Variants in DKK2 observed in about 807,000 individuals in gnomAD.
DKK2 encodes the protein dickkopf Wnt signaling pathway inhibitor 2, also known as dickkopf-related protein 2.
DKK2 carries 11 observed loss-of-function variants against 28.1 expected under a neutral mutation model. The observed-to-expected ratio is 0.39, with a 90% CI of 0.25 to 0.65. The LOEUF is 0.65. Among genes scored for constraint, DKK2 ranks in the 30% least tolerant of loss-of-function variants. The pLI, the probability that DKK2 is intolerant of heterozygous loss-of-function variation, is 0.47. For missense variants in DKK2, 326 were observed against 335.5 expected (o/e 0.97, Z 0.22); for synonymous variants, 135 against 126.5 (o/e 1.07, Z -0.45).
chr4:106,924,524 C>T (rs1724397721), intron 3 of DKK2, 21 bp downstream of exon 3: 1 of 1,603,280 alleles, frequency 6.2e-7, no homozygotes, highest in Non-Finnish European at 8.5e-7. Flanking sequence ...AAAAAAACCC[C>T]AGAACTACAG....
chr4:106,995,608 G>GTATT (rs553180593), intron 1 of DKK2, among the ~76,000 whole-genome samples: 2,029 of 152,056 alleles, frequency 0.013, 39 homozygotes, highest in African/African-American at 0.043. Flanking sequence ...GACCTTATGT[G>GTATT]TATTTATTTA....
At chr4:106,994,097 G>C (rs552656639) in intron 1 of DKK2, among the ~76,000 whole-genome samples, 3 of 152,160 alleles carry the variant, frequency 2.0e-5, no homozygotes, top group Non-Finnish European at 4.4e-5. Flanking sequence ...AGCATTTTGT[G>C]GTTCTTATAA....
intron 1 of DKK2, among the ~76,000 whole-genome samples, chr4:106,979,781 C>T (rs917690924): frequency 3.3e-5 from 5 of 152,356 alleles, no homozygotes; most frequent in African/African-American, 9.6e-5. Context: ...CTTACTCAAA[C>T]TCGCTGCACT....
At chr4:106,978,947 T>A (rs908446213) in intron 1 of DKK2, among the ~76,000 whole-genome samples, 1 of 152,088 alleles carries the variant, frequency 6.6e-6, no homozygotes, top group Non-Finnish European at 1.5e-5. Flanking sequence ...AAAAGCATAG[T>A]GTCTGGGCCG....
chr4:107,027,204 T>G (rs1723798280), intron 1 of DKK2, among the ~76,000 whole-genome samples: 1 of 152,136 alleles, frequency 6.6e-6, no homozygotes, highest in Non-Finnish European at 1.5e-5. Context: ...TTCAAAGGGT[T>G]GAGAGGAAAT....
chr4:106,938,548 G>A (rs527786474), intron 1 of DKK2, among the ~76,000 whole-genome samples: 1 of 151,742 alleles, frequency 6.6e-6, no homozygotes, highest in African/African-American at 2.4e-5. Flanking sequence ...GTAAAAGGAG[G>A]AAATTCCTTC....
intron 1 of DKK2, among the ~76,000 whole-genome samples, chr4:106,927,668 G>A (rs1266294827): frequency 6.6e-6 from 1 of 151,526 alleles, no homozygotes; most frequent in East Asian, 2.0e-4. Context: ...AAGAATCCAA[G>A]ACTGATGAAA....
At chr4:106,969,105 T>C (rs918617864) in intron 1 of DKK2, among the ~76,000 whole-genome samples, 6 of 151,370 alleles carry the variant, frequency 4.0e-5, no homozygotes, top group Non-Finnish European at 8.8e-5. Flanking sequence ...GATTTATGCT[T>C]TTTTTTTTCT....
chr4:106,935,783 T>C (rs930252696), intron 1 of DKK2, among the ~76,000 whole-genome samples: 2 of 152,208 alleles, frequency 1.3e-5, no homozygotes, highest in African/African-American at 4.8e-5. Context: ...ATGGGCAGAC[T>C]GCCTCCTCAA....
intron 1 of DKK2, among the ~76,000 whole-genome samples, chr4:107,030,078 A>G (rs1723853111): frequency 6.6e-6 from 1 of 152,066 alleles, no homozygotes. Context: ...TTCTGTTGTT[A>G]GTGATACATA....
intron 1 of DKK2, among the ~76,000 whole-genome samples, chr4:106,976,495 G>A (rs1273123833): frequency 4.6e-5 from 7 of 152,130 alleles, no homozygotes; most frequent in African/African-American, 1.4e-4. Flanking sequence ...ATTATGTAAT[G>A]GCCTTCTTTG....
intron 1 of DKK2, among the ~76,000 whole-genome samples, chr4:106,943,516 T>C (rs1724732361): frequency 6.6e-6 from 1 of 152,122 alleles, no homozygotes; most frequent in Admixed American, 6.6e-5. Flanking sequence ...TTTAAATTGA[T>C]TTTTAAAATT....
chr4:106,958,724 C>A (rs1722640994), intron 1 of DKK2, among the ~76,000 whole-genome samples: 1 of 151,410 alleles, frequency 6.6e-6, no homozygotes, highest in Non-Finnish European at 1.5e-5. Context: ...GTAATCTTAG[C>A]TACTCAGGAG....
chr4:107,034,333 G>C (rs1398300071), intron 1 of DKK2, among the ~76,000 whole-genome samples: 1 of 152,032 alleles, frequency 6.6e-6, no homozygotes, highest in Non-Finnish European at 1.5e-5. Flanking sequence ...TGCGAGGTGC[G>C]TGTGCCATTG....
chr4:106,980,242 A>G (rs990233676), intron 1 of DKK2, among the ~76,000 whole-genome samples: 2 of 152,066 alleles, frequency 1.3e-5, no homozygotes, highest in African/African-American at 4.8e-5. Flanking sequence ...ATATGGTTAT[A>G]TATCTTTACT....
chr4:107,024,637 C>T (rs1320227905), intron 1 of DKK2, among the ~76,000 whole-genome samples: 1 of 152,104 alleles, frequency 6.6e-6, no homozygotes, highest in Non-Finnish European at 1.5e-5. Flanking sequence ...TCTTAAATTT[C>T]TTTTTCGTAA....
At chr4:106,985,803 G>A (rs1405905414) in intron 1 of DKK2, among the ~76,000 whole-genome samples, 2 of 140,248 alleles carry the variant, frequency 1.4e-5, no homozygotes, top group East Asian at 2.1e-4. Flanking sequence ...ATGACAGAGC[G>A]AGACTCCGTC....
chr4:106,939,532 C>A (rs1724657660), intron 1 of DKK2, among the ~76,000 whole-genome samples: 2 of 152,154 alleles, frequency 1.3e-5, no homozygotes, highest in Non-Finnish European at 2.9e-5. Flanking sequence ...GGCCATACGG[C>A]CCAAGGTAAT....
At chr4:106,999,975 C>T (rs374544876) in intron 1 of DKK2, among the ~76,000 whole-genome samples, 9 of 151,780 alleles carry the variant, frequency 5.9e-5, no homozygotes, top group South Asian at 4.2e-4. Context: ...TAATGAAATA[C>T]GTAATACAAA....
Sources: gnomAD v4.1 joint callset for allele counts (sites outside exome capture counted in the v4.1 genomes callset) on GRCh38, gnomAD v4.1.1 for gene constraint, MANE v1.5 for transcripts, NCBI Gene and HGNC (gene_info 2026-07-23, HGNC 2026-07-21) for gene names.